Variants in TCF20 observed in about 807,000 individuals in gnomAD.
TCF20 encodes the protein SPRE-binding protein.
A neutral mutation model predicts 148.6 loss-of-function variants in TCF20; 3 were observed. The ratio of observed to expected loss-of-function variants is 0.02; its 90% CI spans 0.01 to 0.05. The LOEUF (loss-of-function observed/expected upper bound fraction) is 0.05, where lower values mean the gene tolerates loss of function less well. Ranked by LOEUF, TCF20 falls within the 10% of genes least tolerant of loss-of-function variation. The pLI is 1.00. For synonymous variants in TCF20, 1,049 were observed against 909.5 expected (o/e 1.15, Z -2.76); for missense variants, 2,350 against 2,429.3 (o/e 0.97, Z 0.69).
In TCF20 at chr22:42,210,007, C is replaced by T; in HGVS notation, c.5299G>A (p.Glu1767Lys). ...TTCTGCTGCTGCTGCTGCTCTTCCT[C>T]CTCCTCAGTGTCCGTCTTGGAGCCA... Reference protein sequence around the residue: ...SNGSKTDTEEEEEQQQQQKEQ... With the variant: ...SNGSKTDTEEKEEQQQQQKEQ... The change falls in exon 2 of 6, where the codon GAG becomes AAG. Residue 1767 changes from glutamate (E) to lysine (K), a missense_variant. Around this residue, in one of 7 missense-constraint regions of TCF20, gnomAD observed 374 missense variants for 398.3 expected, o/e 0.94. Transcript: ENST00000677622. The surrounding 1 kb of genome is among the most constrained non-coding windows in gnomAD (Gnocchi z 4.7). The T allele has an allele frequency of 6.2e-7, 1 of 1,612,970 alleles. No individual in the cohort carries two copies. Among genetic ancestry groups the T allele is most frequent in the African/African-American group, 1.3e-5 (1 of 75,060 alleles).
chr22:42,255,492 AACAACAACAACAACAACAACAAC>A (rs1436570698), intron 1 of TCF20, among the ~76,000 whole-genome samples: 83 of 149,514 alleles, frequency 5.6e-4, no homozygotes, highest in Middle Eastern at 3.5e-3. Flanking sequence ...CATCTCAAAC[AACAACAACAACAACAACAACAAC>A]AACAACAACA....
chr22:42,319,498 G>A (rs1319388475), intron 1 of TCF20, among the ~76,000 whole-genome samples: 2 of 152,178 alleles, frequency 1.3e-5, no homozygotes, highest in Non-Finnish European at 2.9e-5. Context: ...GGCCAGCAGG[G>A]CTCTGGGCAA....
intron 1 of TCF20, among the ~76,000 whole-genome samples, chr22:42,281,152 G>C (rs893821153): frequency 3.3e-5 from 5 of 152,098 alleles, no homozygotes; most frequent in African/African-American, 4.8e-5. Context: ...CGCCAATTTG[G>C]TTCCAGCTCA....
intron 1 of TCF20, chr22:42,343,465 C>T (rs1295378421): frequency 6.6e-6 from 1 of 151,134 alleles, no homozygotes; most frequent in Non-Finnish European, 1.5e-5. Context: ...GCCGCGCCCG[C>T]GCTGTCCCCT....
At chr22:42,216,206 C>T (rs567775746) in intron 1 of TCF20, among the ~76,000 whole-genome samples, 6 of 148,918 alleles carry the variant, frequency 4.0e-5, no homozygotes, top group East Asian at 2.0e-4. Flanking sequence ...CCTCCTGCCT[C>T]GGCCTCTCAA....
At position 42,249,884 on chromosome 22, in the gene TCF20, AT is replaced by A. The variant is rs566639591; in HGVS notation, c.-37+20454del. Among the ~76,000 whole-genome samples the A allele has an allele frequency of 3.4e-3, 509 of 149,170 alleles. 4 individuals are homozygous for A. Among genetic ancestry groups the A allele is most frequent in the African/African-American group, 0.012 (494 of 40,770 alleles). Reference sequence around the variant, plus strand: ...TGGAGAGTTCTAATTAATTCTATGCATTTTTTTTTTGCAAACTGAACTCCAC... The same window carrying A: ...TGGAGAGTTCTAATTAATTCTATGCATTTTTTTTTGCAAACTGAACTCCAC... On this transcript the variant is annotated intron_variant, in intron 1 of 5. Transcript: ENST00000677622.
rs148610859 is a variant in TCF20 at position 42,215,103 on chromosome 22, G to A, written c.203C>T (p.Ala68Val). ...GRRGAAAAAA[A>V]MASETSGHQG... is the part of the protein sequence containing the mutation. ...ATGGCCAGAGGTCTCGCTAGCCATCGCTGCCGCAGCAGCTGCTGCTCCTCG... is the reference window on the plus strand; with the variant it reads ...ATGGCCAGAGGTCTCGCTAGCCATCACTGCCGCAGCAGCTGCTGCTCCTCG... Residue 68 changes from alanine to valine, a missense_variant, in exon 2 of 6, where the codon GCG (alanine) becomes GTG (valine). This residue lies in a region of TCF20 where 1,641 missense variants were observed against 1,662.6 expected (regional missense o/e 0.99). Coordinates refer to ENST00000677622, the MANE Select transcript of TCF20 (RefSeq NM_001378418.1). 23 of 1,613,878 alleles carry A rather than the reference G, an allele frequency of 1.4e-5. No individual in the cohort carries two copies. Among genetic ancestry groups the A allele is most frequent in the Middle Eastern group, 1.6e-4 (1 of 6,084 alleles).
At chr22:42,272,055 A>G (rs919694467), upstream of TCF20, among the ~76,000 whole-genome samples, 2 of 152,134 alleles carry the variant, frequency 1.3e-5, no homozygotes, top group Non-Finnish European at 1.5e-5. Context: ...CTTCTGTCCA[A>G]TCTCACAAAG....
chr22:42,198,351 C>T (rs1444387893), intron 2 of TCF20, among the ~76,000 whole-genome samples: 2 of 152,192 alleles, frequency 1.3e-5, no homozygotes, highest in Admixed American at 6.5e-5. Flanking sequence ...TGGTAATTCA[C>T]GTATAGTGCT....
chr22:42,274,696 C>T (rs1926732995), upstream of TCF20: 1 of 152,340 alleles, frequency 6.6e-6, no homozygotes, highest in Non-Finnish European at 1.5e-5. Context: ...TGCCCCTCCA[C>T]TCTGCCCTCC....
chr22:42,277,320 T>A lies in TCF20; in HGVS notation c.-37+6507A>T, dbSNP rs562484050. 2.6e-5 allele frequency among the ~76,000 whole-genome samples: 4 copies of A among 152,368 alleles called. No individual in the cohort carries two copies. The East Asian group carries it at 7.7e-4, about 29-fold the overall frequency. On this transcript the variant is annotated intron_variant, in intron 1 of 5. Coordinates refer to the TCF20 transcript ENST00000359486. ...CCCAAGGGTCCCTGTGGTCATGAAG[T>A]TTATGGTGCCATGGAGCTGTTAGAA...
intron 2 of TCF20, among the ~76,000 whole-genome samples, chr22:42,186,934 A>G (rs536688696): frequency 5.8e-4 from 88 of 152,362 alleles, no homozygotes; most frequent in African/African-American, 1.9e-3. Context: ...TGGCATATTG[A>G]GCACAACTAG....
At chr22:42,227,865 A>C (rs1923055309) in intron 1 of TCF20, among the ~76,000 whole-genome samples, 1 of 152,158 alleles carries the variant, frequency 6.6e-6, no homozygotes. Context: ...AACCCATCCC[A>C]CTACTGCTGA....
intron 5 of TCF20, among the ~76,000 whole-genome samples, chr22:42,164,746 A>G (rs1188895164): frequency 6.6e-6 from 1 of 152,228 alleles, no homozygotes; most frequent in South Asian, 2.1e-4. Flanking sequence ...AAGGATTTAG[A>G]AAGGGAAAGG....
intron 1 of TCF20, among the ~76,000 whole-genome samples, chr22:42,316,282 T>A (rs1008003971): frequency 2.0e-5 from 3 of 152,044 alleles, no homozygotes; most frequent in Non-Finnish European, 4.4e-5. Context: ...GCAAAGTGCC[T>A]GCAGGCTTCC....
intron 1 of TCF20, among the ~76,000 whole-genome samples, chr22:42,266,407 G>C (rs1309226829): frequency 6.6e-6 from 1 of 152,198 alleles, no homozygotes; most frequent in Non-Finnish European, 1.5e-5. Context: ...TTGGACTCAT[G>C]AGAAAAAGTC....
At chr22:42,250,543 T>A (rs759507357) in intron 1 of TCF20, among the ~76,000 whole-genome samples, 4 of 152,060 alleles carry the variant, frequency 2.6e-5, no homozygotes, top group Non-Finnish European at 4.4e-5. Flanking sequence ...TCTCTGCTCT[T>A]CAGGAGACTG....
intron 1 of TCF20, among the ~76,000 whole-genome samples, chr22:42,268,308 C>A (rs1463232043): frequency 6.6e-6 from 1 of 152,190 alleles, no homozygotes; most frequent in Admixed American, 6.5e-5. Flanking sequence ...TATAGAAATA[C>A]TTACCAGTCA....
In TCF20 at chr22:42,243,310, A is replaced by AAAAAC. The variant is rs1555943091; in HGVS notation, c.-37+27028_-37+27029insGTTTT. 1.4e-3 allele frequency among the ~76,000 whole-genome samples: 196 copies of AAAAAC among 140,952 alleles called. 10 individuals carry two copies. Among genetic ancestry groups the AAAAAC allele is most frequent in the African/African-American group, 5.6e-3 (186 of 33,016 alleles). The allele number at this position is 140,952 out of a possible 152,430, so 92.5% of individuals were successfully genotyped here. ...ACTGTCTCAAAAAAAAAAAAAAAAA[A>AAAAAC]AAAAAAAAAAAGTCAGGCATGATGG... On this transcript the variant is annotated intron_variant, in intron 1 of 5. Transcript: ENST00000677622.
Sources: gnomAD v4.1 joint callset for allele counts (sites outside exome capture counted in the v4.1 genomes callset) on GRCh38, gnomAD v4.1.1 for gene constraint, gnomAD v4.1.1 regional missense constraint, Gnocchi (gnomAD v3.1) non-coding constraint, MANE v1.5 for transcripts, NCBI Gene and HGNC (gene_info 2026-07-23, HGNC 2026-07-21) for gene names.